Variants in COL1A1 observed in about 807,000 individuals in gnomAD.
The protein encoded by COL1A1 is collagen alpha-1(I) chain.
Under a neutral mutation model 195.7 loss-of-function variants are expected in COL1A1, and 21 were observed. The ratio of observed to expected loss-of-function variants is 0.11; its 90% CI spans 0.08 to 0.15. The LOEUF (loss-of-function observed/expected upper bound fraction) is 0.15. Ranked by LOEUF, COL1A1 falls within the 10% of genes least tolerant of loss-of-function variation. The pLI, the probability that COL1A1 is intolerant of heterozygous loss-of-function variation, is 1.00. For missense variants in COL1A1, 1,365 were observed against 2,051.0 expected (o/e 0.67, Z 6.46); for synonymous variants, 749 against 747.3 (o/e 1.00, Z -0.04).
At chr17:50,192,739 G>T (rs1165711436) in intron 27 of COL1A1, 46 bp from the exon 28 acceptor site, 1 of 1,613,890 alleles carries the variant, frequency 6.2e-7, no homozygotes, top group African/African-American at 1.3e-5. Context: ...GAGGAGACGA[G>T]GGGCTGAGGG....
rs1300109862 is a variant in COL1A1, at chr17:50,201,529, A to G, written c.-16T>C. ...AGCTGAACATGTCTAGACCCTAGAC[A>G]TGTAGACTCTTTGTGGCTGGGGAGG... On this transcript the variant is annotated 5_prime_UTR_variant, in exon 1 of 51. An upstream start codon of the reference 5' UTR is lost. Coordinates refer to ENST00000225964, the MANE Select transcript of COL1A1 (RefSeq NM_000088.4). The G allele has an allele frequency of 4.4e-6, 7 of 1,605,270 alleles. No homozygotes were observed. Among genetic ancestry groups the G allele is most frequent in the Middle Eastern group, 2.2e-4 (1 of 4,490 alleles).
rs763794953 is a variant in COL1A1 at position 50,197,820 on chromosome 17, T to C, written c.643-35A>G. ...ATAGAAGAGGTGGTTAGAATATGGA[T>C]AAGAAAAAAAGAAGGGGAAGGCTGG... On this transcript the variant is annotated intron_variant, in intron 8 of 50. Coordinates refer to ENST00000225964, the MANE Select transcript of COL1A1 (RefSeq NM_000088.4). 2.0e-5 allele frequency: 32 copies of C among 1,606,408 alleles called. No individual in the cohort carries two copies. The Admixed American group carries it at 3.7e-4, about 19-fold the overall frequency.
rs753323379 is a variant in COL1A1 at position 50,195,914 on chromosome 17, G to A, written c.1056+9C>T. On this transcript the variant is annotated intron_variant, in intron 16 of 50. Transcript: ENST00000225964. The surrounding 1 kb of genome is among the most constrained non-coding windows in gnomAD (Gnocchi z 4.3). ...AGGGTCATGCTTAGAGGAGAGTGGG[G>A]GGTCTCACCTTAGCACCAACAGCAC... 6.3e-7 allele frequency: 1 copy of A among 1,574,828 alleles called. No homozygotes were observed. The highest frequency in any genetic ancestry group is 1.9e-5 in the Admixed American group (1 of 53,528).
Position 50,185,761 on chromosome 17 carries a change from G to A in COL1A1, c.4248+17C>T. The stretch of plus-strand genomic sequence containing the variant: ...GCCGGAGAGGTGGGGCCCTGCCTGG[G>A]GATTCTGGGCACTCACCGTGCAGCC... On this transcript the variant is annotated intron_variant, in intron 50 of 50. Coordinates refer to ENST00000225964, the MANE Select transcript of COL1A1 (RefSeq NM_000088.4). 1.9e-6 allele frequency: 3 copies of A among 1,612,992 alleles called. No homozygotes were observed. The highest frequency in any genetic ancestry group is 2.5e-6 in the Non-Finnish European group (3 of 1,179,924).
At position 50,199,733 on chromosome 17, in the gene COL1A1, GGCCCC is replaced by G. The variant is rs763716155; in HGVS notation, c.298+15_298+19del. 8.8e-6 allele frequency: 9 copies of G among 1,025,762 alleles called. No individual in the cohort carries two copies. The East Asian group carries it at 1.5e-4, about 17-fold the overall frequency. The allele number at this position is 1,025,762 out of a possible 1,614,324, so 63.5% of individuals were successfully genotyped here. A position where few individuals can be genotyped will look rare whatever the true frequency, so the allele number is the denominator to read the frequency against. On this transcript the variant is annotated intron_variant, in intron 2 of 50. Transcript: ENST00000225964. Reference sequence around the variant, plus strand: ...CCCAGGCCCCAGGCCCCAGGCCCCAGGCCCCGAGCGCAGCCGCACCTGAGCCGTCG... The same window carrying G: ...CCCAGGCCCCAGGCCCCAGGCCCCAGGAGCGCAGCCGCACCTGAGCCGTCG...
In COL1A1 at chr17:50,185,128, T is replaced by G. The variant is rs1598283007; in HGVS notation, c.*374A>C. 3.6e-5 allele frequency: 10 copies of G among 277,338 alleles called. No individual in the cohort carries two copies. Among genetic ancestry groups the G allele is most frequent in the South Asian group, 1.5e-4 (2 of 13,378 alleles). 17.2% of individuals were successfully genotyped at this position (277,338 alleles called of 1,614,324 possible). ...AGTGGAGGGGAGGCCCCAAGGGGGGTGTGGAGAAAGGAGCAGAAAGGGCAG... is the reference window on the plus strand; with the variant it reads ...AGTGGAGGGGAGGCCCCAAGGGGGGGGTGGAGAAAGGAGCAGAAAGGGCAG... On this transcript the variant is annotated 3_prime_UTR_variant, in exon 51 of 51. Coordinates refer to ENST00000225964, the MANE Select transcript of COL1A1 (RefSeq NM_000088.4).
Position 50,195,226 on chromosome 17 carries a change from A to G in COL1A1, c.1299+6T>C. On this transcript the variant is annotated splice_donor_region_variant and intron_variant, in intron 19 of 50. Transcript: ENST00000225964. The surrounding 1 kb of genome is among the most constrained non-coding windows in gnomAD (Gnocchi z 4.3). ...GGGTGGGCAGAAGGGAGAGTTTGGT[A>G]CTCACGCTGTTACCCTTGGGACCAG... 6.2e-7 allele frequency: 1 copy of G among 1,611,690 alleles called. No homozygotes were observed. Among genetic ancestry groups the G allele is most frequent in the African/African-American group, 1.3e-5 (1 of 74,826 alleles).
At position 50,188,292 on chromosome 17, in the gene COL1A1, C is replaced by T; in HGVS notation, c.3208-143G>A. 1.1e-6 allele frequency: 1 copy of T among 930,086 alleles called. No individual in the cohort carries two copies. The allele number at this position is 930,086 out of a possible 1,614,324, so 57.6% of individuals were successfully genotyped here. Reference sequence around the variant, plus strand: ...TCTCTCCCAACTCCCAGGGAAACCTCCCCACTGCAATCTTCACGGGAGCTG... The same window carrying T: ...TCTCTCCCAACTCCCAGGGAAACCTTCCCACTGCAATCTTCACGGGAGCTG... On this transcript the variant is annotated intron_variant, in intron 43 of 50. Coordinates refer to ENST00000225964, the MANE Select transcript of COL1A1 (RefSeq NM_000088.4). The surrounding 1 kb of genome is among the most constrained non-coding windows in gnomAD (Gnocchi z 5.6).
At position 50,188,686 on chromosome 17, in the gene COL1A1, G is replaced by C; in HGVS notation, c.3100-49C>G. Reference sequence around the variant, plus strand: ...TGGGTCAGCCCCGGGTGAAGGGCCAGGATGGGGCAGGGAAGCAGCAGACAA... The same window carrying C: ...TGGGTCAGCCCCGGGTGAAGGGCCACGATGGGGCAGGGAAGCAGCAGACAA... On this transcript the variant is annotated intron_variant, in intron 42 of 50. Transcript: ENST00000225964. This position sits in a 1 kb window ranked among gnomAD's most constrained non-coding sequence, Gnocchi z 5.6. 1.2e-6 allele frequency: 2 copies of C among 1,613,328 alleles called. No homozygotes were observed. Among genetic ancestry groups the C allele is most frequent in the South Asian group, 1.1e-5 (1 of 91,080 alleles).
In COL1A1 at chr17:50,194,376, G is replaced by A. The variant is rs113437353; in HGVS notation, c.1587C>T (p.Pro529=). 282 of 1,614,098 alleles carry A rather than the reference G, an allele frequency of 1.7e-4. 5 individuals are homozygous for A. The African/African-American group carries it at 2.4e-3, about 14-fold the overall frequency. The change falls in exon 23 of 51, where the codon CCC becomes CCT. Residue 529 remains proline (P), a synonymous_variant. Coordinates refer to ENST00000225964, the MANE Select transcript of COL1A1 (RefSeq NM_000088.4). This position sits in a 1 kb window ranked among gnomAD's most constrained non-coding sequence, Gnocchi z 6.8. Reference sequence around the variant, plus strand: ...TGGCACCAGGCAGACCAGCTTCACCGGGACGACCAGCTTCACCAGGAGATC... The same window carrying A: ...TGGCACCAGGCAGACCAGCTTCACCAGGACGACCAGCTTCACCAGGAGATC... The part of the protein sequence containing the change: ...PKGSPGEAGR[P]GEAGLPGAKG...
In COL1A1 at chr17:50,185,410, T is replaced by G; in HGVS notation, c.*92A>C. On this transcript the variant is annotated 3_prime_UTR_variant, in exon 51 of 51. Transcript: ENST00000225964. ...TGAAATTGTCTCCCATTTTTTGGCTTTTGAGGGGGTTCAGTTTGGGTTGCT... is the reference window on the plus strand; with the variant it reads ...TGAAATTGTCTCCCATTTTTTGGCTGTTGAGGGGGTTCAGTTTGGGTTGCT... 21 of 1,471,532 alleles carry G rather than the reference T, an allele frequency of 1.4e-5. No homozygotes were observed. The highest frequency in any genetic ancestry group is 1.9e-5 in the Non-Finnish European group (20 of 1,053,544). The allele number at this position is 1,471,532 out of a possible 1,614,324, so 91.2% of individuals were successfully genotyped here.
In COL1A1 at chr17:50,190,197, G is replaced by T; in HGVS notation, c.2452-89C>A. ...GGAGCAGTAATGGAGGCAGGAAGAT[G>T]CTTGGGTGGGAAACAATCCCGTCTC... On this transcript the variant is annotated intron_variant, in intron 35 of 50. Coordinates refer to ENST00000225964, the MANE Select transcript of COL1A1 (RefSeq NM_000088.4). The surrounding 1 kb of genome is among the most constrained non-coding windows in gnomAD (Gnocchi z 4.7). 7.7e-7 allele frequency: 1 copy of T among 1,298,294 alleles called. No individual in the cohort carries two copies. The highest frequency in any genetic ancestry group is 1.1e-6 in the Non-Finnish European group (1 of 893,464). 80.4% of individuals were successfully genotyped at this position (1,298,294 alleles called of 1,614,324 possible).
In COL1A1 at chr17:50,186,240, C is replaced by T. The variant is rs1906508371; in HGVS notation, c.4005+77G>A. The T allele has an allele frequency of 8.8e-6, 14 of 1,590,738 alleles. No individual in the cohort carries two copies. Among genetic ancestry groups the T allele is most frequent in the Non-Finnish European group, 1.2e-5 (14 of 1,164,796 alleles). Reference sequence around the variant, plus strand: ...GTCCATCACCCTTAGCAGAGACCTACTCCAGGACTTCATGTCCCTTCTGAG... The same window carrying T: ...GTCCATCACCCTTAGCAGAGACCTATTCCAGGACTTCATGTCCCTTCTGAG... On this transcript the variant is annotated intron_variant, in intron 49 of 50. Coordinates refer to ENST00000225964, the MANE Select transcript of COL1A1 (RefSeq NM_000088.4). This position sits in a 1 kb window ranked among gnomAD's most constrained non-coding sequence, Gnocchi z 5.3.
chr17:50,189,533 A>C lies in COL1A1; in HGVS notation c.2673T>G (p.Asn891Lys). The C allele has an allele frequency of 6.2e-7, 1 of 1,612,590 alleles. No individual in the cohort carries two copies. Among genetic ancestry groups the C allele is most frequent in the East Asian group, 2.2e-5 (1 of 44,730 alleles). The change falls in exon 39 of 51, where the codon AAT (asparagine) becomes AAG (lysine). Residue 891 changes from asparagine (N) to lysine (K), a missense_variant. Asn to Lys is a moderately conservative substitution (Grantham distance 94, BLOSUM62 0). Coordinates refer to ENST00000225964, the MANE Select transcript of COL1A1 (RefSeq NM_000088.4). This position sits in a 1 kb window ranked among gnomAD's most constrained non-coding sequence, Gnocchi z 5.5. The stretch of plus-strand genomic sequence containing the variant: ...GACCAGGAGGGCCAGGGGGTCCAGC[A>C]TTTCCCTGGATGAGGATAGGAGGGG... The part of the protein sequence containing the change: ...GRVGPPGPSG[N>K]AGPPGPPGPA...
chr17:50,199,425 C>A lies in COL1A1; in HGVS notation c.362G>T (p.Gly121Val). ...EGPKGDTGPRGPRGPAGPPGR... is the reference protein window; with the variant it reads ...EGPKGDTGPRVPRGPAGPPGR... ...CCAGAGTGCAACGCTTACCCTTGGG[C>A]CTCGGGGGCCAGTGTCTCCCTTGGG... Residue 121 changes from glycine (G) to valine (V), a missense_variant, in exon 4 of 51, where the codon GGC (glycine) becomes GTC (valine). Around this residue, in one of 5 missense-constraint regions of COL1A1, gnomAD observed 194 missense variants for 221.7 expected, o/e 0.88. Transcript: ENST00000225964. 1 of 1,614,088 alleles carries A rather than the reference C, an allele frequency of 6.2e-7. No homozygotes were observed. The highest frequency in any genetic ancestry group is 8.5e-7 in the Non-Finnish European group (1 of 1,179,964).
chr17:50,198,261 GATGTAGTC>G, intron 6 of COL1A1, 56 bp from the exon 7 acceptor site: 1 of 1,598,578 alleles, frequency 6.3e-7, no homozygotes. Context: ...AAAGCATGTG[GATGTAGTC>G]ATTCATGCCT....
At position 50,194,481 on chromosome 17, in the gene COL1A1, C is replaced by G; in HGVS notation, c.1516-34G>C. ...GGGAAGTCACAGGAACAGTTAGGGT[C>G]TCAAGTTTGTGGCTCTTTGCCACGG... On this transcript the variant is annotated intron_variant, in intron 22 of 50. Coordinates refer to ENST00000225964, the MANE Select transcript of COL1A1 (RefSeq NM_000088.4). This position sits in a 1 kb window ranked among gnomAD's most constrained non-coding sequence, Gnocchi z 6.8. The G allele has an allele frequency of 6.2e-7, 1 of 1,613,644 alleles. No homozygotes were observed.
rs766909363 is a variant in COL1A1, at chr17:50,187,505, G to A, written c.3402C>T (p.Ala1134=). 5 of 1,613,950 alleles carry A rather than the reference G, an allele frequency of 3.1e-6. No individual in the cohort carries two copies. The highest frequency in any genetic ancestry group is 4.2e-6 in the Non-Finnish European group (5 of 1,179,998). The change falls in exon 46 of 51, where the codon GCC becomes GCT. Residue 1134 remains alanine, a synonymous_variant. Transcript: ENST00000225964. ...GSPGEQGPSG[A]SGPAGPRGPP... ...TTACTCGGGGACCAGCAGGACCAGAGGCTCCAGAGGGACCTTGTTCACCAG... is the reference window on the plus strand; with the variant it reads ...TTACTCGGGGACCAGCAGGACCAGAAGCTCCAGAGGGACCTTGTTCACCAG...
In COL1A1 at chr17:50,190,442, G is replaced by A. The variant is rs1201314292; in HGVS notation, c.2398-62C>T. On this transcript the variant is annotated intron_variant, in intron 34 of 50. Coordinates refer to ENST00000225964, the MANE Select transcript of COL1A1 (RefSeq NM_000088.4). This position sits in a 1 kb window ranked among gnomAD's most constrained non-coding sequence, Gnocchi z 4.7. ...ACAGGAGGGAAGGCGGGGATGCGGT[G>A]AGGGGAGAGGCAAGGGGTGAAGGCA... The A allele has an allele frequency of 1.5e-5, 23 of 1,572,294 alleles. No homozygotes were observed. The highest frequency in any genetic ancestry group is 1.9e-5 in the Non-Finnish European group (22 of 1,142,014).
Sources: allele counts gnomAD v4.1 joint callset, GRCh38; gene constraint gnomAD v4.1.1; regional missense constraint gnomAD v4.1.1; non-coding constraint Gnocchi (gnomAD v3.1); transcripts MANE v1.5; gene names NCBI Gene and HGNC (gene_info 2026-07-23, HGNC 2026-07-21).